DHRSX: variants seen among roughly 807,000 people sequenced by gnomAD.
DHRSX encodes dehydrogenase/reductase X-linked, also known as polyprenol dehydrogenase.
A neutral mutation model predicts 34.0 loss-of-function variants in DHRSX; 31 were observed. The observed-to-expected ratio is 0.91, with a 90% confidence interval of 0.69 to 1.23. DHRSX has a LOEUF of 1.23. Ranked by LOEUF, DHRSX falls within the 50% of genes most tolerant of loss-of-function variation. The pLI, the probability that DHRSX is intolerant of heterozygous loss-of-function variation, is 0.00. For missense variants in DHRSX, 414 were observed against 428.1 expected, an observed-to-expected ratio of 0.97 and a Z score of 0.29; for synonymous variants, 201 against 183.8, an observed-to-expected ratio of 1.09 and a Z score of -0.76.
intron 1 of DHRSX, among the ~76,000 whole-genome samples, chrX:2,485,029 C>T (rs1342408192): frequency 2.0e-5 from 3 of 152,152 alleles, no homozygotes; most frequent in Admixed American, 2.0e-4. Flanking sequence ...GAAAACAGTT[C>T]GAAGCAGGCA....
chrX:2,456,613 CAAAAAAAAA>C (rs57262200), intron 1 of DHRSX, among the ~76,000 whole-genome samples: 2 of 108,874 alleles, frequency 1.8e-5, no homozygotes, highest in Non-Finnish European at 3.8e-5. Context: ...GACTCCTCTT[CAAAAAAAAA>C]AAAAAAAAAC....
At chrX:2,342,390 T>C (rs1362649406) in intron 3 of DHRSX, among the ~76,000 whole-genome samples, 1 of 152,036 alleles carries the variant, frequency 6.6e-6, no homozygotes, top group South Asian at 2.1e-4. Flanking sequence ...ACTCACCTGA[T>C]ACCTCACGGA....
chrX:2,313,098 G>A (rs1433089270), intron 3 of DHRSX, among the ~76,000 whole-genome samples: 1 of 151,672 alleles, frequency 6.6e-6, no homozygotes, highest in Non-Finnish European at 1.5e-5. Flanking sequence ...TGCCTCCCAG[G>A]TTCAAGCGAT....
At position 2,243,210 on chromosome X, in the gene DHRSX, G is replaced by T. The variant is rs764383987; in HGVS notation, c.617C>A (p.Ala206Glu). 6.2e-7 allele frequency: 1 copy of T among 1,613,838 alleles called. No individual in the cohort carries two copies. Among genetic ancestry groups the T allele is most frequent in the South Asian group, 1.1e-5 (1 of 91,072 alleles). The part of the protein sequence containing the change: ...LQSSACYSPH[A>E]AYAQSKLALV... Reference sequence around the variant, plus strand: ...GGCCAGCTTGCTCTGGGCGTAGGCTGCGTGGGGTGAGTAGCAGGCACTGTG... The same window carrying T: ...GGCCAGCTTGCTCTGGGCGTAGGCTTCGTGGGGTGAGTAGCAGGCACTGTG... The change falls in exon 6 of 7, where the codon GCA becomes GAA. Residue 206 changes from alanine (A) to glutamate (E), a missense_variant. Ala to Glu is a moderately radical substitution (Grantham distance 107, BLOSUM62 -1). Coordinates refer to ENST00000334651, the MANE Select transcript of DHRSX (RefSeq NM_145177.3).
rs143635271 is a variant in DHRSX at position 2,220,741 on chromosome X, C to G, written c.*300G>C. 1 of 404,996 alleles carries G rather than the reference C, an allele frequency of 2.5e-6. No individual in the cohort carries two copies. The highest frequency in any genetic ancestry group is 2.0e-5 in the African/African-American group (1 of 50,532). 25.1% of individuals were successfully genotyped at this position (404,996 alleles called of 1,614,324 possible). The stretch of plus-strand genomic sequence containing the variant: ...ACTTTTGTACTCAGTTGTATTAACG[C>G]GGCAAGGAAAATGGCACATTTATGT... On this transcript the variant is annotated 3_prime_UTR_variant, in exon 7 of 7. Transcript: ENST00000334651.
intron 1 of DHRSX, among the ~76,000 whole-genome samples, chrX:2,479,778 C>T (rs889632108): frequency 6.6e-6 from 1 of 151,838 alleles, no homozygotes; most frequent in African/African-American, 2.4e-5. Context: ...ATGGACCACA[C>T]TGTAGACGTT....
intron 2 of DHRSX, among the ~76,000 whole-genome samples, chrX:2,422,206 G>T (rs1398258086): frequency 5.3e-5 from 8 of 152,192 alleles, no homozygotes; most frequent in Non-Finnish European, 1.0e-4. Context: ...TGACAACAAG[G>T]GAAAGAAGGA....
At chrX:2,237,512 T>A (rs1278286307) in intron 6 of DHRSX, among the ~76,000 whole-genome samples, 1 of 152,000 alleles carries the variant, frequency 6.6e-6, no homozygotes, top group Non-Finnish European at 1.5e-5. Flanking sequence ...TTTCTATTTT[T>A]TTTTTTTTTT....
chrX:2,255,553 T>C (rs1225338672), intron 5 of DHRSX, among the ~76,000 whole-genome samples: 1 of 152,132 alleles, frequency 6.6e-6, no homozygotes, highest in Non-Finnish European at 1.5e-5. Flanking sequence ...GGCACGCCCA[T>C]GCCTATAACA....
chrX:2,238,628 G>GGCTGGA (rs2016070737), intron 6 of DHRSX, among the ~76,000 whole-genome samples: 1 of 149,598 alleles, frequency 6.7e-6, no homozygotes, highest in Non-Finnish European at 1.5e-5. Flanking sequence ...TTTTCACCCA[G>GGCTGGA]GCTGGAGTGC....
chrX:2,340,510 A>C (rs1163938126), intron 3 of DHRSX, among the ~76,000 whole-genome samples: 1 of 151,886 alleles, frequency 6.6e-6, no homozygotes, highest in East Asian at 1.9e-4. Context: ...AATGTTCTGG[A>C]GTCCACAGTC....
In DHRSX at chrX:2,490,413, G is replaced by A. The variant is rs1181234673; in HGVS notation, c.109+10404C>T. On this transcript the variant is annotated intron_variant, in intron 1 of 6. Coordinates refer to ENST00000334651, the MANE Select transcript of DHRSX (RefSeq NM_145177.3). ...GCCAGCGCGTCCTGCCCGGGCTGCT[G>A]GGACGACTCGGGCTTCAGCTTGGAG... is the stretch of plus-strand genomic sequence containing the variant. The A allele has an allele frequency of 3.1e-6, 5 of 1,613,828 alleles. No homozygotes were observed. The Admixed American group carries it at 6.7e-5, about 22-fold the overall frequency.
At chrX:2,475,163 G>A (rs1294514962) in intron 1 of DHRSX, among the ~76,000 whole-genome samples, 1 of 151,840 alleles carries the variant, frequency 6.6e-6, no homozygotes, top group East Asian at 1.9e-4. Context: ...CTAAGTATGT[G>A]GCTAAGGGAC....
chrX:2,483,765 C>T (rs2044810719), intron 1 of DHRSX, among the ~76,000 whole-genome samples: 1 of 129,698 alleles, frequency 7.7e-6, no homozygotes, highest in South Asian at 2.4e-4. Flanking sequence ...ATTGGTGCCT[C>T]GAGAAAAAAA....
chrX:2,241,341 CCTG>C (rs1362506423), intron 6 of DHRSX, among the ~76,000 whole-genome samples: 1 of 152,124 alleles, frequency 6.6e-6, no homozygotes, highest in African/African-American at 2.4e-5. Context: ...GGTGCTTTGT[CCTG>C]CTGAACTGAA....
intron 4 of DHRSX, among the ~76,000 whole-genome samples, chrX:2,285,365 T>A (rs2041792621): frequency 6.6e-6 from 1 of 152,088 alleles, no homozygotes; most frequent in South Asian, 2.1e-4. Flanking sequence ...ACAACCTAGA[T>A]CCTTCCCATG....
chrX:2,231,611 TC>T (rs2015883437), intron 6 of DHRSX, among the ~76,000 whole-genome samples: 1 of 144,130 alleles, frequency 6.9e-6, no homozygotes. Context: ...TTTCCCTTAT[TC>T]TCCTTTCCCA....
At chrX:2,222,479 TC>T (rs1261684724) in intron 6 of DHRSX, among the ~76,000 whole-genome samples, 1 of 152,192 alleles carries the variant, frequency 6.6e-6, no homozygotes, top group African/African-American at 2.4e-5. Context: ...TTTTAGAAGC[TC>T]CTCCTTGTTA....
intron 3 of DHRSX, among the ~76,000 whole-genome samples, chrX:2,324,711 G>A (rs1050387362): frequency 6.0e-5 from 9 of 151,102 alleles, no homozygotes; most frequent in Non-Finnish European, 1.2e-4. Context: ...GAGTTAAGAA[G>A]AAATCACTTA....
Sources: gnomAD v4.1 joint callset for allele counts (sites outside exome capture counted in the v4.1 genomes callset) on GRCh38, gnomAD v4.1.1 for gene constraint, MANE v1.5 for transcripts, NCBI Gene and HGNC (gene_info 2026-07-23, HGNC 2026-07-21) for gene names.